INTS15: variants seen among roughly 807,000 people sequenced by gnomAD.
INTS15 encodes integrator complex subunit 15.
At chr7:6,608,170 G>A in the INTS15 span, 23 of 1,500,920 alleles carry the variant, frequency 1.5e-5, no homozygotes, top group East Asian at 2.7e-5. Flanking sequence ...AGGCTGGCCC[G>A]TGTGTGCCTT....
At chr7:6,608,013 T>C in the INTS15 span, 2 of 1,599,380 alleles carry the variant, frequency 1.3e-6, no homozygotes, top group Non-Finnish European at 1.7e-6. Flanking sequence ...CACGCCGCGC[T>C]CCCCCCGGGG....
chr7:6,600,261 C>G, the INTS15 span: 1 of 1,614,192 alleles, frequency 6.2e-7, no homozygotes, highest in Non-Finnish European at 8.5e-7. Flanking sequence ...GAACTGAACC[C>G]CCTCAACGCC....
At chr7:6,590,237 G>T in the INTS15 span, 1 of 1,431,856 alleles carries the variant, frequency 7.0e-7, no homozygotes, top group South Asian at 1.4e-5. Flanking sequence ...CCCGGGCCCC[G>T]GGCGGAAGTG....
At chr7:6,607,490 C>G in the INTS15 span, 1 of 1,289,722 alleles carries the variant, frequency 7.8e-7, no homozygotes, top group Non-Finnish European at 1.0e-6. The surrounding 1 kb of genome is among the most constrained non-coding windows in gnomAD (Gnocchi z 6.0). Context: ...GGGTCCAGGC[C>G]TGGGCCGTCC....
chr7:6,603,578 A>G, the INTS15 span, among the ~76,000 whole-genome samples: 1 of 147,324 alleles, frequency 6.8e-6, no homozygotes, highest in Non-Finnish European at 1.5e-5. Context: ...ACGGCTCACA[A>G]CTGTAATCCC....
the INTS15 span, chr7:6,602,036 G>C: frequency 7.1e-7 from 1 of 1,402,734 alleles, no homozygotes; most frequent in Non-Finnish European, 1.0e-6. Flanking sequence ...TGCAAAGAAC[G>C]TCAGTGTGTA....
chr7:6,608,072 G>GGCCCCC, the INTS15 span: 5 of 1,580,444 alleles, frequency 3.2e-6, no homozygotes, highest in Non-Finnish European at 4.3e-6. Flanking sequence ...GGCTGTCCCG[G>GGCCCCC]CCCACCCCGC....
At chr7:6,591,682 A>G in the INTS15 span, 2 of 1,614,156 alleles carry the variant, frequency 1.2e-6, no homozygotes, top group South Asian at 2.2e-5. Flanking sequence ...ACTTCTTGAA[A>G]TCATGTGCAA....
At chr7:6,601,975 G>T in the INTS15 span, 3 of 827,636 alleles carry the variant, frequency 3.6e-6, no homozygotes, top group South Asian at 1.5e-5. Flanking sequence ...GTTTCTAAAT[G>T]ACACTAGGGA....
chr7:6,608,078 C>T, the INTS15 span: 1 of 1,575,244 alleles, frequency 6.3e-7, no homozygotes, highest in South Asian at 1.1e-5. Context: ...CCCGGCCCAC[C>T]CCGCCGCCCA....
the INTS15 span, among the ~76,000 whole-genome samples, chr7:6,592,679 G>A: frequency 4.0e-5 from 6 of 150,040 alleles, no homozygotes; most frequent in African/African-American, 1.5e-4. Flanking sequence ...TGCAATCTTA[G>A]CTCACTACAG....
chr7:6,602,467 C>G, the INTS15 span, among the ~76,000 whole-genome samples: 1 of 152,130 alleles, frequency 6.6e-6, no homozygotes, highest in Non-Finnish European at 1.5e-5. Context: ...TGGGAAGTCT[C>G]GCAGAGCCAC....
the INTS15 span, chr7:6,591,563 C>A: frequency 1.5e-6 from 2 of 1,292,006 alleles, no homozygotes; most frequent in Non-Finnish European, 2.2e-6. Context: ...CGCGCCCAGT[C>A]TATTTCCTGT....
chr7:6,593,177 G>A, the INTS15 span, among the ~76,000 whole-genome samples: 4 of 152,144 alleles, frequency 2.6e-5, no homozygotes, highest in Non-Finnish European at 5.9e-5. Context: ...CTTCGGCTTT[G>A]CGGGTCCTGT....
chr7:6,595,279 C>G, the INTS15 span, among the ~76,000 whole-genome samples: 3 of 152,186 alleles, frequency 2.0e-5, no homozygotes, highest in Non-Finnish European at 4.4e-5. Context: ...AATTCTCCCT[C>G]AGCCTCCTGA....
the INTS15 span, chr7:6,590,580 A>T: frequency 2.9e-6 from 4 of 1,391,114 alleles, no homozygotes; most frequent in Non-Finnish European, 3.7e-6. Context: ...CATGTCCAGG[A>T]TCCCCGCGCT....
At chr7:6,607,878 G>C in the INTS15 span, 5 of 1,563,974 alleles carry the variant, frequency 3.2e-6, no homozygotes, top group Admixed American at 5.5e-5. This position sits in a 1 kb window ranked among gnomAD's most constrained non-coding sequence, Gnocchi z 6.0. Flanking sequence ...GGCGGGGTGC[G>C]GGGGGACGGG....
chr7:6,600,434 G>GCAAAAA, the INTS15 span: 1 of 1,413,796 alleles, frequency 7.1e-7, no homozygotes, highest in African/African-American at 1.4e-5. Flanking sequence ...CTCCTGGACA[G>GCAAAAA]ACACTGTTTT....
At chr7:6,601,747 C>G in the INTS15 span, among the ~76,000 whole-genome samples, 1 of 150,578 alleles carries the variant, frequency 6.6e-6, no homozygotes, top group African/African-American at 2.4e-5. Flanking sequence ...ACCTCCCTCT[C>G]CCAGGTTCAA....
Sources: gnomAD v4.1 joint callset for allele counts (sites outside exome capture counted in the v4.1 genomes callset) on GRCh38, gnomAD v4.1.1 for gene constraint, Gnocchi (gnomAD v3.1) non-coding constraint, MANE v1.5 for transcripts, NCBI Gene and HGNC (gene_info 2026-07-23, HGNC 2026-07-21) for gene names.